The following TMTC2 variants were observed in gnomAD, a reference collection of about 807,000 sequenced individuals.
TMTC2 encodes the protein transmembrane O-mannosyltransferase targeting cadherins 2, also known as protein O-mannosyl-transferase TMTC2.
In TMTC2, 43 loss-of-function variants were observed where a neutral mutation model predicts 82.4. The observed-to-expected ratio is 0.52, with a 90% CI of 0.41 to 0.67. The LOEUF is 0.67. Among genes scored for constraint, TMTC2 ranks in the 30% least tolerant of loss-of-function variants. The pLI is 0.00. For missense variants in TMTC2, 919 were observed against 1,012.4 expected (o/e 0.91, Z 1.25); for synonymous variants, 408 against 381.9 (o/e 1.07, Z -0.80).
chr12:83,025,726 T>C (rs925359471), intron 8 of TMTC2, among the ~76,000 whole-genome samples: 4 of 152,178 alleles, frequency 2.6e-5, no homozygotes, highest in East Asian at 3.8e-4. Context: ...TGACTACAAA[T>C]TGGAGGTTCC....
chr12:83,046,907 G>A (rs959947446), intron 9 of TMTC2, among the ~76,000 whole-genome samples: 3 of 152,094 alleles, frequency 2.0e-5, no homozygotes, highest in Non-Finnish European at 4.4e-5. Context: ...ACTCTTCTAG[G>A]TGCTCTAATT....
chr12:83,016,614 G>T (rs1250516496), intron 8 of TMTC2, among the ~76,000 whole-genome samples: 1 of 152,096 alleles, frequency 6.6e-6, no homozygotes, highest in Admixed American at 6.5e-5. Flanking sequence ...CATATAGTAG[G>T]TACTCTCTAA....
At chr12:83,108,401 G>A (rs1369338805) in intron 11 of TMTC2, among the ~76,000 whole-genome samples, 1 of 152,116 alleles carries the variant, frequency 6.6e-6, no homozygotes, top group African/African-American at 2.4e-5. Flanking sequence ...GGAGGCCAAG[G>A]CAGGCGGATC....
At chr12:83,001,965 C>T (rs1347026218) in intron 8 of TMTC2, among the ~76,000 whole-genome samples, 1 of 152,158 alleles carries the variant, frequency 6.6e-6, no homozygotes, top group Non-Finnish European at 1.5e-5. Flanking sequence ...TCTCTGCCTG[C>T]TTTTCGTATC....
intron 1 of TMTC2, among the ~76,000 whole-genome samples, chr12:82,750,348 A>C (rs1875921064): frequency 6.6e-6 from 1 of 151,966 alleles, no homozygotes; most frequent in South Asian, 2.1e-4. Flanking sequence ...AGATGAAGAG[A>C]AGAGATGGCC....
intron 11 of TMTC2, among the ~76,000 whole-genome samples, chr12:83,090,524 G>A (rs1307718541): frequency 2.0e-5 from 3 of 152,088 alleles, no homozygotes; most frequent in Admixed American, 2.0e-4. Flanking sequence ...CCTGAATTCC[G>A]AGAGTTTATG....
At chr12:82,797,175 G>A (rs966054981) in intron 1 of TMTC2, among the ~76,000 whole-genome samples, 2 of 152,026 alleles carry the variant, frequency 1.3e-5, no homozygotes, top group African/African-American at 4.8e-5. Flanking sequence ...AAAACATAAT[G>A]GGTGTTCCAC....
intron 11 of TMTC2, among the ~76,000 whole-genome samples, chr12:83,094,070 A>G (rs1236895931): frequency 6.6e-6 from 1 of 152,228 alleles, no homozygotes; most frequent in Admixed American, 6.5e-5. Flanking sequence ...GTGTCCTGAT[A>G]GAAGAGCTGT....
intron 7 of TMTC2, among the ~76,000 whole-genome samples, chr12:82,981,833 C>T (rs544213807): frequency 6.6e-6 from 1 of 151,880 alleles, no homozygotes; most frequent in South Asian, 2.1e-4. Flanking sequence ...TTTAACCAAG[C>T]TTGTAGAATC....
intron 1 of TMTC2, among the ~76,000 whole-genome samples, chr12:82,754,613 T>C (rs1876198885): frequency 6.6e-6 from 1 of 152,078 alleles, no homozygotes. Context: ...GCTGGGCATC[T>C]GGAGTCCCAG....
intron 11 of TMTC2, among the ~76,000 whole-genome samples, chr12:83,127,669 T>C (rs1885137434): frequency 6.6e-6 from 1 of 152,114 alleles, no homozygotes; most frequent in African/African-American, 2.4e-5. Context: ...CATGATAAGC[T>C]TAGGCCAGAA....
intron 1 of TMTC2, among the ~76,000 whole-genome samples, chr12:82,691,207 A>G (rs969171409): frequency 1.4e-4 from 22 of 152,238 alleles, no homozygotes; most frequent in Non-Finnish European, 2.5e-4. Flanking sequence ...GTTTGGAAGT[A>G]GAAAATATAT....
Position 83,090,045 on chromosome 12 carries a change from A to G in TMTC2, c.2331+28214A>G, listed in dbSNP as rs376634161. Among the ~76,000 whole-genome samples, 5 of 152,188 alleles carry G rather than the reference A, an allele frequency of 3.3e-5. 1 individual carries two copies. Among genetic ancestry groups the G allele is most frequent in the African/African-American group, 1.2e-4 (5 of 41,530 alleles). On this transcript the variant is annotated intron_variant, in intron 11 of 11. Coordinates refer to ENST00000321196, the MANE Select transcript of TMTC2 (RefSeq NM_152588.3). ...CACATTTAACATTTTTTCTGTCTTT[A>G]TTTTCACACCAAATCCTTAATAATG...
At chr12:82,897,502 C>T (rs1873743412) in intron 3 of TMTC2, among the ~76,000 whole-genome samples, 1 of 152,066 alleles carries the variant, frequency 6.6e-6, no homozygotes, top group Non-Finnish European at 1.5e-5. Context: ...GTAAATAGTA[C>T]TAAAGAGTCT....
chr12:82,891,066 G>A (rs113130423), intron 2 of TMTC2, among the ~76,000 whole-genome samples: 245 of 152,206 alleles, frequency 1.6e-3, no homozygotes, highest in African/African-American at 5.6e-3. Context: ...ACCAAACTGC[G>A]GATACAGAAA....
intron 1 of TMTC2, among the ~76,000 whole-genome samples, chr12:82,763,195 A>T (rs1876745556): frequency 6.6e-6 from 1 of 152,176 alleles, no homozygotes. Flanking sequence ...AAGCTAGAAA[A>T]AAAAAACAAG....
At chr12:82,862,667 A>G (rs911957573) in intron 2 of TMTC2, among the ~76,000 whole-genome samples, 1 of 152,118 alleles carries the variant, frequency 6.6e-6, no homozygotes, top group Non-Finnish European at 1.5e-5. Context: ...AGACATTGAG[A>G]TTTTCCAGTC....
intron 4 of TMTC2, among the ~76,000 whole-genome samples, chr12:82,963,144 A>G (rs1354549522): frequency 1.3e-5 from 2 of 152,000 alleles, no homozygotes; most frequent in African/African-American, 2.4e-5. Context: ...GGTCATATAC[A>G]CCACAGACCA....
chr12:83,079,740 T>C (rs1465529794), intron 11 of TMTC2, among the ~76,000 whole-genome samples: 1 of 152,108 alleles, frequency 6.6e-6, no homozygotes, highest in East Asian at 1.9e-4. Context: ...ACCAAAAAGG[T>C]TTTAAAATGC....
Sources: gnomAD v4.1 joint callset for allele counts (sites outside exome capture counted in the v4.1 genomes callset) on GRCh38, gnomAD v4.1.1 for gene constraint, MANE v1.5 for transcripts, NCBI Gene and HGNC (gene_info 2026-07-23, HGNC 2026-07-21) for gene names.